CCHCR1: variants seen among roughly 807,000 people sequenced by gnomAD.
The protein encoded by CCHCR1 is HCR (a-helix coiled-coil rod homologue).
CCHCR1 carries 91 observed loss-of-function variants against 114.6 expected under a neutral mutation model. The ratio of observed to expected loss-of-function variants is 0.79; its 90% CI spans 0.67 to 0.94. The LOEUF is 0.94. CCHCR1 is among the 40% of genes least tolerant of loss of function. The pLI, the probability that CCHCR1 is intolerant of heterozygous loss-of-function variation, is 0.00. For missense variants in CCHCR1, 899 were observed against 1,079.9 expected (o/e 0.83, Z 2.35); for synonymous variants, 379 against 428.5 (o/e 0.88, Z 1.43).
At position 31,157,097 on chromosome 6, in the gene CCHCR1, AGAG is replaced by A. The variant is rs745800848; in HGVS notation, c.217-11_217-9del. 1 of 1,607,410 alleles carries A rather than the reference AGAG, an allele frequency of 6.2e-7. No individual in the cohort carries two copies. Among genetic ancestry groups the A allele is most frequent in the South Asian group, 1.1e-5 (1 of 90,640 alleles). On this transcript the variant is annotated splice_polypyrimidine_tract_variant and intron_variant, in intron 1 of 17. Transcript: ENST00000396268. ...CCAGCCATCTATGTTCCCCTGGACA[AGAG>A]GAGAAACAAAGACACTCCAATTCAA... is the stretch of plus-strand genomic sequence containing the variant.
chr6:31,143,365 C>T lies in CCHCR1; in HGVS notation c.2216G>A (p.Arg739Gln), dbSNP rs759580927. ...IQRRAAQEKE[R>Q]SQELRRLQEE... ...CTGCAGACGCCTGAGTTCCTGGCTC[C>T]GCTCCTTTTCCTGGGCGGCTCTGCG... Residue 739 changes from arginine (R) to glutamine (Q), a missense_variant, in exon 16 of 18, where the codon CGG becomes CAG. By Grantham distance (43) the Arg-to-Gln change is conservative. Transcript: ENST00000396268. The surrounding 1 kb of genome is among the most constrained non-coding windows in gnomAD (Gnocchi z 5.3). 8 of 1,612,852 alleles carry T rather than the reference C, an allele frequency of 5.0e-6. No individual in the cohort carries two copies. The highest frequency in any genetic ancestry group is 1.3e-5 in the African/African-American group (1 of 74,900).
intron 3 of CCHCR1, chr6:31,156,317 C>T: frequency 5.3e-6 from 1 of 189,690 alleles, no homozygotes; most frequent in Non-Finnish European, 1.1e-5. Context: ...AGAATGTTTA[C>T]AGATAATACG....
Position 31,150,080 on chromosome 6 carries a change from G to A in CCHCR1, c.1348C>T (p.Gln450Ter), listed in dbSNP as rs781053966. Residue 450 changes from glutamine (Q) to a stop codon, truncating the protein, a stop_gained, in exon 8 of 18, where the codon CAG becomes TAG. Transcript: ENST00000396268. LOFTEE classifies it high-confidence loss of function. The surrounding 1 kb of genome is among the most constrained non-coding windows in gnomAD (Gnocchi z 5.3). ...AGTGCAGTGACCTGTCCCTTCAGCT[G>A]CTTAACAGAGTCACTGTGTTCCAGC... is the stretch of plus-strand genomic sequence containing the variant. ...QELEHSDSVK[Q>*]LKGQVASLQE... 6.2e-7 allele frequency: 1 copy of A among 1,614,200 alleles called. No homozygotes were observed.
rs1265074 is a variant in CCHCR1, at chr6:31,145,437, C to A, written c.1739+11G>T. The A allele has an allele frequency of 0.21, 332,753 of 1,613,692 alleles. 35,959 individuals carry two copies. Among genetic ancestry groups the A allele is most frequent in the East Asian group, 0.34 (15,246 of 44,864 alleles). On this transcript the variant is annotated intron_variant, in intron 12 of 17. Transcript: ENST00000396268. ...TAAAGCCCCATCCACCTCAAAGTGC[C>A]CAAACTTCACCTCTCCTGGCGCAGC...
chr6:31,154,838 G>T lies in CCHCR1; in HGVS notation c.498-39C>A. The T allele has an allele frequency of 6.5e-7, 1 of 1,538,910 alleles. No individual in the cohort carries two copies. Among genetic ancestry groups the T allele is most frequent in the Non-Finnish European group, 8.8e-7 (1 of 1,141,170 alleles). ...TTAGTGCAGGTGAGACTTGTCTCCA[G>T]TGCTGGAAGGATAGTTGAGGGCATA... On this transcript the variant is annotated intron_variant, in intron 3 of 17. Transcript: ENST00000396268. This position sits in a 1 kb window ranked among gnomAD's most constrained non-coding sequence, Gnocchi z 4.1.
At chr6:31,146,290 A>G (rs1219283303) in intron 10 of CCHCR1, among the ~76,000 whole-genome samples, 1 of 152,194 alleles carries the variant, frequency 6.6e-6, no homozygotes, top group Non-Finnish European at 1.5e-5. Flanking sequence ...GGTTCCAGTG[A>G]GCCAAGATCG....
chr6:31,157,189 G>A, intron 1 of CCHCR1, 100 bp from the exon 2 acceptor site: 1 of 1,111,706 alleles, frequency 9.0e-7, no homozygotes, highest in East Asian at 2.5e-5. Context: ...TTGAATTATA[G>A]CCAGGTCCAC....
chr6:31,153,055 G>C (rs980275004), intron 4 of CCHCR1, among the ~76,000 whole-genome samples: 3 of 151,980 alleles, frequency 2.0e-5, no homozygotes, highest in Non-Finnish European at 4.4e-5. Context: ...TCAGCTCACT[G>C]TAACCTCTGT....
chr6:31,143,806 A>C lies in CCHCR1; in HGVS notation c.2168-393T>G, dbSNP rs548440717. 3.3e-5 allele frequency among the ~76,000 whole-genome samples: 5 copies of C among 152,344 alleles called. No homozygotes were observed. In the South Asian group the frequency reaches 1.0e-3, roughly 32 times the overall value. ...TTAGGCGTGGTGGCTCACGCCTATAATCCCAGCACTTTGGGATGCCAAGGC... is the reference window on the plus strand; with the variant it reads ...TTAGGCGTGGTGGCTCACGCCTATACTCCCAGCACTTTGGGATGCCAAGGC... On this transcript the variant is annotated intron_variant, in intron 15 of 17. Transcript: ENST00000396268. This position sits in a 1 kb window ranked among gnomAD's most constrained non-coding sequence, Gnocchi z 5.3.
At position 31,151,001 on chromosome 6, in the gene CCHCR1, G is replaced by C. The variant is rs755057434; in HGVS notation, c.923C>G (p.Ala308Gly). Reference protein sequence around the residue: ...TRRAGEAKELAEAQREAELLR... With the variant: ...TRRAGEAKELGEAQREAELLR... ...CAGCTCGGCCTCCCTCTGAGCCTCGGCCAGCTCCTTGGCTTCCCCTGCTCT... is the reference window on the plus strand; with the variant it reads ...CAGCTCGGCCTCCCTCTGAGCCTCGCCCAGCTCCTTGGCTTCCCCTGCTCT... Residue 308 changes from alanine to glycine, a missense_variant, in exon 5 of 18, where the codon GCC (alanine) becomes GGC (glycine). Physicochemically the swap from Ala to Gly is moderately conservative, Grantham distance 60. Transcript: ENST00000396268. The surrounding 1 kb of genome is among the most constrained non-coding windows in gnomAD (Gnocchi z 4.1). The C allele has an allele frequency of 6.2e-7, 1 of 1,612,956 alleles. No homozygotes were observed. Among genetic ancestry groups the C allele is most frequent in the East Asian group, 2.2e-5 (1 of 44,882 alleles).
In CCHCR1 at chr6:31,157,100, G is replaced by C; in HGVS notation, c.217-11C>G. The C allele has an allele frequency of 6.2e-7, 1 of 1,605,670 alleles. No homozygotes were observed. The highest frequency in any genetic ancestry group is 2.2e-5 in the East Asian group (1 of 44,862). ...GCCATCTATGTTCCCCTGGACAAGA[G>C]GAGAAACAAAGACACTCCAATTCAA... On this transcript the variant is annotated splice_polypyrimidine_tract_variant and intron_variant, in intron 1 of 17. Coordinates refer to ENST00000396268, the MANE Select transcript of CCHCR1 (RefSeq NM_001105564.2).
In CCHCR1 at chr6:31,144,913, C is replaced by T. The variant is rs773792118; in HGVS notation, c.2037G>A (p.Leu679=). ...GCCCGTAGAGTTCCTGCTGCTGGGT[C>T]AGCTCCTGCCGCAGACTGGCAGCCT... The part of the protein sequence containing the change: ...TEEAASLRQE[L]TQQQELYGQA... The change falls in exon 14 of 18, where the codon CTG becomes CTA. Residue 679 remains leucine, a synonymous_variant. Coordinates refer to ENST00000396268, the MANE Select transcript of CCHCR1 (RefSeq NM_001105564.2). This position sits in a 1 kb window ranked among gnomAD's most constrained non-coding sequence, Gnocchi z 4.6. 3 of 1,613,312 alleles carry T rather than the reference C, an allele frequency of 1.9e-6. No individual in the cohort carries two copies. Among genetic ancestry groups the T allele is most frequent in the Non-Finnish European group, 2.5e-6 (3 of 1,179,986 alleles).
chr6:31,156,690 T>C, intron 3 of CCHCR1, 41 bp downstream of exon 3: 1 of 1,552,120 alleles, frequency 6.4e-7, no homozygotes, highest in Non-Finnish European at 8.8e-7. Flanking sequence ...GAAGGGTCAC[T>C]AGCAAGCAAG....
chr6:31,154,705 G>T lies in CCHCR1; in HGVS notation c.592C>A (p.Arg198=). The T allele has an allele frequency of 2.5e-6, 4 of 1,609,514 alleles. No individual in the cohort carries two copies. Among genetic ancestry groups the T allele is most frequent in the Non-Finnish European group, 3.4e-6 (4 of 1,179,882 alleles). Residue 198 remains arginine (R), a synonymous_variant, in exon 4 of 18, where the codon CGG becomes AGG. Coordinates refer to ENST00000396268, the MANE Select transcript of CCHCR1 (RefSeq NM_001105564.2). This position sits in a 1 kb window ranked among gnomAD's most constrained non-coding sequence, Gnocchi z 4.1. ...TGCAGCGAGGTCTCCCGCAGGAGCC[G>T]GACCTCCTCCTCCAGCCGCCGCAGC... is the stretch of plus-strand genomic sequence containing the variant. ...QELRRLEEEV[R]LLRETSLQQK...
intron 17 of CCHCR1, 85 bp downstream of exon 17, chr6:31,142,878 A>G (rs1260193380): frequency 1.3e-6 from 2 of 1,519,798 alleles, no homozygotes; most frequent in Admixed American, 1.8e-5. Flanking sequence ...ACCGCAGAGA[A>G]CAACACTCAT....
chr6:31,153,594 T>C (rs1775569837), intron 4 of CCHCR1, among the ~76,000 whole-genome samples: 1 of 149,012 alleles, frequency 6.7e-6, no homozygotes, highest in Non-Finnish European at 1.5e-5. Flanking sequence ...TTATTTTATT[T>C]TTTGAGACAG....
rs753691517 is a variant in CCHCR1, at chr6:31,143,089, G to A, written c.2365C>T (p.Arg789Ter). Residue 789 changes from arginine (R) to a stop codon, truncating the protein, a stop_gained, in exon 17 of 18, where the codon CGA becomes TGA. Transcript: ENST00000396268. LOFTEE classifies it high-confidence loss of function. The surrounding 1 kb of genome is among the most constrained non-coding windows in gnomAD (Gnocchi z 5.3). ...AGGGAAGGAAGAACTGTCAACAGTCGCTGCTGCTTGTAACGGGAGAGGAGA... is the reference window on the plus strand; with the variant it reads ...AGGGAAGGAAGAACTGTCAACAGTCACTGCTGCTTGTAACGGGAGAGGAGA... ...EGLLSRYKQQ[R>*]LLTVLPSLLD... 6 of 1,612,858 alleles carry A rather than the reference G, an allele frequency of 3.7e-6. No individual in the cohort carries two copies. Among genetic ancestry groups the A allele is most frequent in the African/African-American group, 1.3e-5 (1 of 74,894 alleles).
rs751027735 is a variant in CCHCR1 at position 31,156,714 on chromosome 6, C to CG, written c.497+16dup. 1.9e-6 allele frequency: 3 copies of CG among 1,600,104 alleles called. No individual in the cohort carries two copies. The African/African-American group carries it at 4.0e-5, about 22-fold the overall frequency. ...CTAGCAAGCAAGCCTGAGAAAACGG[C>CG]GTGGATGGATCCCTACCTGCCTCTC... On this transcript the variant is annotated intron_variant, in intron 3 of 17. Transcript: ENST00000396268.
Position 31,150,880 on chromosome 6 carries a change from G to A in CCHCR1, c.966-20C>T. On this transcript the variant is annotated intron_variant, in intron 5 of 17. Transcript: ENST00000396268. This position sits in a 1 kb window ranked among gnomAD's most constrained non-coding sequence, Gnocchi z 5.3. ...GTCTTGCTAGGGTTGGGGTGGGAAT[G>A]GGACAGCCATCAGTGGGGCGCCCTG... is the stretch of plus-strand genomic sequence containing the variant. 4 of 1,612,060 alleles carry A rather than the reference G, an allele frequency of 2.5e-6. No individual in the cohort carries two copies. Among genetic ancestry groups the A allele is most frequent in the Non-Finnish European group, 3.4e-6 (4 of 1,179,510 alleles).
Sources: allele counts gnomAD v4.1 joint callset (sites outside exome capture counted in the v4.1 genomes callset), GRCh38; gene constraint gnomAD v4.1.1; non-coding constraint Gnocchi (gnomAD v3.1); transcripts MANE v1.5; gene names NCBI Gene and HGNC (gene_info 2026-07-23, HGNC 2026-07-21).